Variants in ERC2 observed in about 807,000 individuals in gnomAD.
ERC2 encodes the protein ERC protein 2.
A neutral mutation model predicts 114.8 loss-of-function variants in ERC2; 42 were observed. That is an observed-to-expected ratio of 0.37 (90% CI 0.29 to 0.47). ERC2 has a LOEUF of 0.47. Ranked by LOEUF, ERC2 falls within the 20% of genes least tolerant of loss-of-function variation. The probability of loss-of-function intolerance (pLI) is 0.99; values close to 1 mark genes in which losing one functional copy is unlikely to be tolerated. For synonymous variants in ERC2, 454 were observed against 425.5 expected, an observed-to-expected ratio of 1.07 and a Z score of -0.82; for missense variants, 939 against 1,150.7, an observed-to-expected ratio of 0.82 and a Z score of 2.66.
intron 7 of ERC2, among the ~76,000 whole-genome samples, chr3:56,046,470 A>C (rs1246620295): frequency 6.6e-6 from 1 of 152,228 alleles, no homozygotes; most frequent in African/African-American, 2.4e-5. Flanking sequence ...GGGCATGCAA[A>C]GATTCCATCT....
At chr3:56,434,247 T>A (rs1382455361) in intron 2 of ERC2, 104 bp downstream of exon 2, 4 of 1,041,776 alleles carry the variant, frequency 3.8e-6, no homozygotes, top group Middle Eastern at 2.2e-4. Flanking sequence ...ACCTTCTTGA[T>A]GATGCCAAAC....
intron 12 of ERC2, among the ~76,000 whole-genome samples, chr3:55,983,873 CA>C (rs2149510031): frequency 6.6e-6 from 1 of 152,210 alleles, no homozygotes; most frequent in East Asian, 1.9e-4. Context: ...GCATTCAGTT[CA>C]ATTATTACAT....
intron 14 of ERC2, among the ~76,000 whole-genome samples, chr3:55,843,206 C>T (rs980233792): frequency 2.0e-5 from 3 of 152,174 alleles, no homozygotes; most frequent in Non-Finnish European, 4.4e-5. Context: ...GTCTCCATTA[C>T]TTCTTTCTCT....
chr3:55,641,898 T>A (rs1439695331), intron 17 of ERC2, among the ~76,000 whole-genome samples: 1 of 152,218 alleles, frequency 6.6e-6, no homozygotes, highest in Non-Finnish European at 1.5e-5. Context: ...GTCTTAAATG[T>A]CTTCAGAGGG....
At chr3:55,799,547 A>G (rs1191989506) in intron 14 of ERC2, among the ~76,000 whole-genome samples, 3 of 150,520 alleles carry the variant, frequency 2.0e-5, no homozygotes, top group African/African-American at 7.4e-5. Flanking sequence ...CATGCAGTGC[A>G]TCAAAGGATC....
At chr3:55,923,688 T>C (rs1174427571) in intron 13 of ERC2, among the ~76,000 whole-genome samples, 1 of 152,182 alleles carries the variant, frequency 6.6e-6, no homozygotes, top group Non-Finnish European at 1.5e-5. Flanking sequence ...CTTAGTGACC[T>C]CAGATCAGAG....
At chr3:55,936,036 A>C (rs759180654) in intron 13 of ERC2, among the ~76,000 whole-genome samples, 1 of 152,232 alleles carries the variant, frequency 6.6e-6, no homozygotes, top group Admixed American at 6.5e-5. Flanking sequence ...TGAATAATTA[A>C]TAGTAATTAT....
At chr3:55,790,303 G>A (rs1184869165) in intron 14 of ERC2, among the ~76,000 whole-genome samples, 7 of 152,026 alleles carry the variant, frequency 4.6e-5, no homozygotes, top group Non-Finnish European at 7.4e-5. Flanking sequence ...CAGGTGTTAG[G>A]GAGCTGCCAG....
chr3:56,235,124 T>C (rs1009400106), intron 3 of ERC2, among the ~76,000 whole-genome samples: 1 of 152,164 alleles, frequency 6.6e-6, no homozygotes, highest in Admixed American at 6.5e-5. Flanking sequence ...AGTCCTTTGG[T>C]CTGTACAACC....
chr3:55,596,672 A>G (rs1314781978), intron 17 of ERC2, among the ~76,000 whole-genome samples: 3 of 152,224 alleles, frequency 2.0e-5, no homozygotes, highest in African/African-American at 7.2e-5. Context: ...GCTAAAAATA[A>G]AAGGTTGGAA....
intron 14 of ERC2, among the ~76,000 whole-genome samples, chr3:55,769,539 T>C (rs2068049036): frequency 6.6e-6 from 1 of 152,064 alleles, no homozygotes; most frequent in Non-Finnish European, 1.5e-5. Flanking sequence ...TGTCAGACGA[T>C]GTTAGATAAT....
intron 13 of ERC2, among the ~76,000 whole-genome samples, chr3:55,928,925 C>T (rs1048549844): frequency 6.6e-6 from 1 of 152,158 alleles, no homozygotes; most frequent in Non-Finnish European, 1.5e-5. Context: ...CTGTAGATGT[C>T]TGGATCTATT....
chr3:56,407,575 C>T (rs1168775731), intron 2 of ERC2, among the ~76,000 whole-genome samples: 1 of 152,156 alleles, frequency 6.6e-6, no homozygotes, highest in Non-Finnish European at 1.5e-5. Flanking sequence ...ACTTATTGTA[C>T]ACACACACAT....
intron 13 of ERC2, among the ~76,000 whole-genome samples, chr3:55,924,101 C>T (rs185890750): frequency 6.6e-6 from 1 of 152,240 alleles, no homozygotes; most frequent in Admixed American, 6.5e-5. Flanking sequence ...GGGATTCTGA[C>T]ACATACCATA....
chr3:56,043,681 C>T (rs1396492841), intron 7 of ERC2, among the ~76,000 whole-genome samples: 1 of 152,136 alleles, frequency 6.6e-6, no homozygotes, highest in Non-Finnish European at 1.5e-5. Context: ...TCTTTTAATA[C>T]TCATACGTTC....
intron 13 of ERC2, among the ~76,000 whole-genome samples, 193 bp from the exon 14 acceptor site, chr3:55,888,742 G>GA (rs2063473487): frequency 6.6e-6 from 1 of 152,154 alleles, no homozygotes; most frequent in Non-Finnish European, 1.5e-5. Flanking sequence ...TGATATAATG[G>GA]ACTCTGGGGA....
At chr3:56,034,983 G>T (rs1045220970) in intron 7 of ERC2, among the ~76,000 whole-genome samples, 3 of 151,514 alleles carry the variant, frequency 2.0e-5, no homozygotes, top group Non-Finnish European at 2.9e-5. Flanking sequence ...GCAAAGCAGA[G>T]ACAAATAAAA....
chr3:55,722,137 T>C (rs1352093912), intron 15 of ERC2, among the ~76,000 whole-genome samples: 2 of 152,160 alleles, frequency 1.3e-5, no homozygotes, highest in Non-Finnish European at 2.9e-5. Context: ...TCAAAGATCA[T>C]TTGAATGAAG....
chr3:56,115,231 G>A lies in ERC2; in HGVS notation c.1473+24278C>T, dbSNP rs114179826. Among the ~76,000 whole-genome samples the A allele has an allele frequency of 8.0e-3, 1,221 of 152,226 alleles. 10 individuals are homozygous for A. Among genetic ancestry groups the A allele is most frequent in the African/African-American group, 0.028 (1,167 of 41,528 alleles). On this transcript the variant is annotated intron_variant, in intron 6 of 17. Coordinates refer to ENST00000288221, the MANE Select transcript of ERC2 (RefSeq NM_015576.3). Reference sequence around the variant, plus strand: ...ATGAATTGGCTCTATATGGGCAGTAGGCAAGATAAACCCATTGGGCAGTTA... The same window carrying A: ...ATGAATTGGCTCTATATGGGCAGTAAGCAAGATAAACCCATTGGGCAGTTA...
Sources: allele counts gnomAD v4.1 joint callset (sites outside exome capture counted in the v4.1 genomes callset), GRCh38; gene constraint gnomAD v4.1.1; transcripts MANE v1.5; gene names NCBI Gene and HGNC (gene_info 2026-07-23, HGNC 2026-07-21).